MGST3: variants seen among roughly 807,000 people sequenced by gnomAD.
The protein encoded by MGST3 is microsomal glutathione S-transferase 3.
MGST3 carries 13 observed loss-of-function variants against 15.8 expected under a neutral mutation model. The ratio of observed to expected loss-of-function variants is 0.82; its 90% CI spans 0.54 to 1.31. The LOEUF is 1.31. MGST3 is among the 50% of genes most tolerant of loss of function. The pLI is 0.00. For synonymous variants in MGST3, 49 were observed against 68.1 expected (o/e 0.72, Z 1.38); for missense variants, 155 against 192.4 (o/e 0.81, Z 1.15).
In MGST3 at chr1:165,635,310, A is replaced by G. The variant is rs9333394; in HGVS notation, c.-8+4017A>G. On this transcript the variant is annotated intron_variant, in intron 1 of 5. Coordinates refer to ENST00000367889, the MANE Select transcript of MGST3 (RefSeq NM_004528.4). ...AACCTGGAATTTATTCTGTCTTGTTATAAATCTAGTATTCTTAGATTCCTG... is the reference window on the plus strand; with the variant it reads ...AACCTGGAATTTATTCTGTCTTGTTGTAAATCTAGTATTCTTAGATTCCTG... Among the ~76,000 whole-genome samples, 1,494 of 152,360 alleles carry G rather than the reference A, an allele frequency of 9.8e-3. 52 individuals carry two copies. The highest frequency in any genetic ancestry group is 0.059 in the Admixed American group (904 of 15,304).
At chr1:165,631,966 C>T in intron 1 of MGST3, 1 of 402,494 alleles carries the variant, frequency 2.5e-6, no homozygotes, top group South Asian at 5.8e-5. Flanking sequence ...TCAGAAAATG[C>T]CCCTTCTTTA....
chr1:165,651,023 A>T lies in MGST3; in HGVS notation c.127A>T (p.Met43Leu). Residue 43 changes from methionine to leucine, a missense_variant, in exon 3 of 6, where the codon ATG (methionine) becomes TTG (leucine). Met to Leu is a conservative substitution (Grantham distance 15, BLOSUM62 2). Transcript: ENST00000367889. ...RKKYKVEYPI[M>L]YSTDPENGHI... is the part of the protein sequence containing the mutation. ...TGCTTTGTTGTGACAGTATCCTATC[A>T]TGTACAGCACGGACCCTGAAAATGG... 1 of 1,614,204 alleles carries T rather than the reference A, an allele frequency of 6.2e-7. No individual in the cohort carries two copies. Among genetic ancestry groups the T allele is most frequent in the Non-Finnish European group, 8.5e-7 (1 of 1,179,996 alleles).
chr1:165,655,401 C>G lies in MGST3; in HGVS notation c.356C>G (p.Ser119Cys). The G allele has an allele frequency of 6.2e-7, 1 of 1,614,038 alleles. No homozygotes were observed. Among genetic ancestry groups the G allele is most frequent in the Non-Finnish European group, 8.5e-7 (1 of 1,179,990 alleles). Reference sequence around the variant, plus strand: ...AAGCGTAGTCGAGGAGCCCTGGGGTCCATCGCCCTCCTGGGCTTGGTGGGC... The same window carrying G: ...AAGCGTAGTCGAGGAGCCCTGGGGTGCATCGCCCTCCTGGGCTTGGTGGGC... ...PSKRSRGALG[S>C]IALLGLVGTT... is the part of the protein sequence containing the mutation. Residue 119 changes from serine (S) to cysteine (C), a missense_variant, in exon 6 of 6, where the codon TCC becomes TGC. Ser to Cys is a moderately radical substitution (Grantham distance 112). Transcript: ENST00000367889.
intron 1 of MGST3, among the ~76,000 whole-genome samples, chr1:165,639,234 C>T (rs1049460386): frequency 6.6e-6 from 1 of 152,124 alleles, no homozygotes; most frequent in African/African-American, 2.4e-5. Context: ...CGGTGCTTCC[C>T]GTACTGGGGG....
intron 1 of MGST3, chr1:165,632,397 G>C: frequency 1.1e-6 from 1 of 947,948 alleles, no homozygotes; most frequent in South Asian, 1.4e-5. Context: ...AGCAGTTCTG[G>C]GAGGCACCCC....
chr1:165,633,953 ACTT>A lies in MGST3; in HGVS notation c.-8+2664_-8+2666del, dbSNP rs1450137991. Among the ~76,000 whole-genome samples the A allele has an allele frequency of 2.0e-5, 3 of 151,766 alleles. No homozygotes were observed. The South Asian group carries it at 6.2e-4, about 31-fold the overall frequency. On this transcript the variant is annotated intron_variant, in intron 1 of 5. Transcript: ENST00000367889. ...AAGTTTTTTCCTTCTCGTAATCTCT[ACTT>A]CTTTTGTCATACTGCAGTGCTGACA...
chr1:165,651,842 C>T, intron 3 of MGST3, 136 bp from the exon 4 acceptor site: 1 of 618,022 alleles, frequency 1.6e-6, no homozygotes, highest in Admixed American at 2.8e-5. Context: ...TTGCAGTGAG[C>T]TGAGATCATG....
At chr1:165,648,370 C>CT (rs1195560933) in intron 1 of MGST3, 1 of 152,392 alleles carries the variant, frequency 6.6e-6, no homozygotes, top group Admixed American at 6.5e-5. Context: ...GAAGTTAGGC[C>CT]TGTTAGGCTG....
chr1:165,653,858 G>A (rs1648627858), intron 4 of MGST3: 1 of 281,032 alleles, frequency 3.6e-6, no homozygotes, highest in East Asian at 9.4e-5. Context: ...TGAGTCTTCA[G>A]TCAATCTCAT....
intron 1 of MGST3, chr1:165,632,278 T>C (rs1181362030): frequency 1.9e-6 from 3 of 1,612,574 alleles, no homozygotes; most frequent in Admixed American, 1.7e-5. Flanking sequence ...TCTGCAGGTA[T>C]GTGCTGTTGG....
chr1:165,652,485 C>T (rs1262705908), intron 4 of MGST3, among the ~76,000 whole-genome samples: 2 of 151,996 alleles, frequency 1.3e-5, no homozygotes, highest in Non-Finnish European at 2.9e-5. Flanking sequence ...GAAGAAGCAA[C>T]CTAAGTAAAT....
intron 1 of MGST3, among the ~76,000 whole-genome samples, chr1:165,644,258 G>A (rs1571151745): frequency 6.6e-6 from 1 of 152,170 alleles, no homozygotes; most frequent in East Asian, 1.9e-4. Context: ...CACAAACCTA[G>A]ACAGTATAAC....
Position 165,632,825 on chromosome 1 carries a change from C to G in MGST3, c.-8+1532C>G, listed in dbSNP as rs528769546. On this transcript the variant is annotated intron_variant, in intron 1 of 5. Coordinates refer to ENST00000367889, the MANE Select transcript of MGST3 (RefSeq NM_004528.4). The stretch of plus-strand genomic sequence containing the variant: ...ATCCTCCTCGCCTGGAGATTAGCAC[C>G]GAGAAGGAACATACAGGAAAGAAGG... 5.3e-5 allele frequency among the ~76,000 whole-genome samples: 8 copies of G among 152,054 alleles called. No homozygotes were observed. In the South Asian group the frequency reaches 1.7e-3, roughly 32 times the overall value.
Position 165,648,299 on chromosome 1 carries a change from C to T in MGST3, c.-7-1542C>T, listed in dbSNP as rs188242653. The stretch of plus-strand genomic sequence containing the variant: ...CTCAGAGAGCAGCTCAGAGTGAAGA[C>T]GGTAGAAGGGGAAAACTGATGAGAA... On this transcript the variant is annotated intron_variant, in intron 1 of 5. Transcript: ENST00000367889. Among the ~76,000 whole-genome samples, 359 of 152,260 alleles carry T rather than the reference C, an allele frequency of 2.4e-3. 1 individual carries two copies. Among genetic ancestry groups the T allele is most frequent in the African/African-American group, 7.9e-3 (329 of 41,560 alleles).
At chr1:165,653,957 C>T (rs1035987815) in intron 4 of MGST3, 4 of 375,998 alleles carry the variant, frequency 1.1e-5, no homozygotes, top group African/African-American at 8.9e-5. Flanking sequence ...GACCGGCTGG[C>T]CCACATGTCC....
intron 4 of MGST3, chr1:165,653,830 T>G: frequency 4.2e-6 from 1 of 237,946 alleles, no homozygotes; most frequent in Admixed American, 5.2e-5. Context: ...AGTGACTGAC[T>G]TCACATAGAA....
chr1:165,631,600 T>C (rs956644993), intron 1 of MGST3, among the ~76,000 whole-genome samples: 3 of 152,192 alleles, frequency 2.0e-5, no homozygotes, highest in African/African-American at 7.2e-5. Context: ...CCTCTCCTGC[T>C]GTCCCCGGGC....
At chr1:165,646,527 G>T (rs1250487812) in intron 1 of MGST3, 1 of 152,214 alleles carries the variant, frequency 6.6e-6, no homozygotes, top group African/African-American at 2.4e-5. Flanking sequence ...TCATAAACCA[G>T]TCTTTCTTAA....
At chr1:165,653,975 G>C (rs1571157614) in intron 4 of MGST3, 2 of 246,178 alleles carry the variant, frequency 8.1e-6, no homozygotes, top group Admixed American at 1.8e-4. Flanking sequence ...TCCTTCTCTT[G>C]AGCTCTGACA....
Sources: gnomAD v4.1 joint callset for allele counts (sites outside exome capture counted in the v4.1 genomes callset) on GRCh38, gnomAD v4.1.1 for gene constraint, MANE v1.5 for transcripts, NCBI Gene and HGNC (gene_info 2026-07-23, HGNC 2026-07-21) for gene names.